Variants in SLC17A1 observed in about 807,000 individuals in gnomAD.
SLC17A1 encodes sodium-dependent phosphate transport protein 1.
In SLC17A1, 51 loss-of-function variants were observed where a neutral mutation model predicts 53.5. The ratio of observed to expected loss-of-function variants is 0.95; its 90% CI spans 0.76 to 1.20. The LOEUF is 1.20. SLC17A1 is among the 50% of genes most tolerant of loss of function. The pLI, the probability that SLC17A1 is intolerant of heterozygous loss-of-function variation, is 0.00. For synonymous variants in SLC17A1, 179 were observed against 198.8 expected, an observed-to-expected ratio of 0.90 and a Z score of 0.84; for missense variants, 538 against 568.2, an observed-to-expected ratio of 0.95 and a Z score of 0.54.
the SLC17A1 span, among the ~76,000 whole-genome samples, chr6:25,737,909 G>A: frequency 6.6e-6 from 1 of 152,078 alleles, no homozygotes; most frequent in Non-Finnish European, 1.5e-5. Flanking sequence ...TTCTAGATTG[G>A]TATCTAAGAT....
the SLC17A1 span, chr6:25,726,914 G>A: frequency 4.2e-5 from 67 of 1,611,792 alleles, no homozygotes; most frequent in African/African-American, 6.4e-4. Flanking sequence ...TAGCTATGCC[G>A]GAGGTGTCAT....
chr6:25,724,155 G>A, the SLC17A1 span, among the ~76,000 whole-genome samples: 1 of 152,188 alleles, frequency 6.6e-6, no homozygotes, highest in Non-Finnish European at 1.5e-5. Context: ...TGGGTGCGGT[G>A]GCTAACACTT....
At chr6:25,827,563 C>T (rs1764794737) in intron 2 of SLC17A1, among the ~76,000 whole-genome samples, 1 of 152,122 alleles carries the variant, frequency 6.6e-6, no homozygotes, top group South Asian at 2.1e-4. Flanking sequence ...CCAAAATCAG[C>T]AATGGGAACC....
chr6:25,793,607 G>A (rs1305675000), intron 12 of SLC17A1, among the ~76,000 whole-genome samples: 1 of 152,082 alleles, frequency 6.6e-6, no homozygotes. Flanking sequence ...AGGCACTGAA[G>A]TCCTGATGAT....
chr6:25,731,994 G>T, the SLC17A1 span: 1 of 1,582,198 alleles, frequency 6.3e-7, no homozygotes, highest in South Asian at 1.1e-5. Context: ...CATGGCCTTG[G>T]AAGAGATTCC....
downstream of SLC17A1, chr6:25,779,354 G>T (rs374642639): frequency 4.8e-5 from 41 of 860,176 alleles, 1 homozygote; most frequent in South Asian, 7.6e-4. Flanking sequence ...AAGAAAACAC[G>T]CTAGTTATTT....
intron 6 of SLC17A1, among the ~76,000 whole-genome samples, chr6:25,815,153 T>A (rs1764303258): frequency 6.0e-5 from 6 of 100,824 alleles, no homozygotes; most frequent in Non-Finnish European, 8.1e-5. Context: ...AAGAAAGAAA[T>A]AGAGAAAGAG....
the SLC17A1 span, among the ~76,000 whole-genome samples, chr6:25,758,822 T>C: frequency 6.6e-6 from 1 of 152,224 alleles, no homozygotes; most frequent in Non-Finnish European, 1.5e-5. Context: ...CTTGGTTATT[T>C]CTTTTCTTCT....
the SLC17A1 span, chr6:25,726,811 A>G: frequency 1.4e-4 from 197 of 1,407,198 alleles, no homozygotes; most frequent in Non-Finnish European, 1.8e-4. Flanking sequence ...AGCTGAGGTC[A>G]TTTGGAGCTG....
chr6:25,799,701 G>A (rs3799350), intron 11 of SLC17A1, among the ~76,000 whole-genome samples: 1 of 151,986 alleles, frequency 6.6e-6, no homozygotes, highest in African/African-American at 2.4e-5. Flanking sequence ...GACAATTTTG[G>A]ACAGTTCTGG....
chr6:25,801,380 A>G (rs975239144), intron 10 of SLC17A1, among the ~76,000 whole-genome samples: 1 of 152,222 alleles, frequency 6.6e-6, no homozygotes, highest in African/African-American at 2.4e-5. Flanking sequence ...CTGACCTCCA[A>G]AATTGCTTCC....
In SLC17A1 at chr6:25,802,425, C is replaced by A. The variant is rs116184467; in HGVS notation, c.1179-1445G>T. On this transcript the variant is annotated intron_variant, in intron 10 of 12. Transcript: ENST00000244527. ...AGATTTGCCCTAATATTTTTCCTCT[C>A]CATTTCTCTTCTTTTGTTCCTATAT... Among the ~76,000 whole-genome samples, 690 of 152,136 alleles carry A rather than the reference C, an allele frequency of 4.5e-3. 4 individuals are homozygous for A. Among genetic ancestry groups the A allele is most frequent in the African/African-American group, 0.016 (672 of 41,504 alleles).
chr6:25,773,669 A>T, the SLC17A1 span: 2 of 1,613,204 alleles, frequency 1.2e-6, no homozygotes, highest in Non-Finnish European at 1.7e-6. Flanking sequence ...AGCCAACCTC[A>T]GAGATGTAAG....
intron 3 of SLC17A1, among the ~76,000 whole-genome samples, chr6:25,824,339 C>G (rs577858864): frequency 1.3e-5 from 2 of 151,690 alleles, no homozygotes; most frequent in Admixed American, 1.3e-4. Context: ...TGCTGGTCAT[C>G]ATGATCAGTG....
the SLC17A1 span, chr6:25,727,067 C>T: frequency 4.3e-6 from 7 of 1,614,262 alleles, no homozygotes; most frequent in East Asian, 1.3e-4. Context: ...TCCATCCGGA[C>T]ACTGGCATCT....
chr6:25,768,288 C>T, the SLC17A1 span: 2 of 781,910 alleles, frequency 2.6e-6, no homozygotes, highest in South Asian at 5.8e-5. Context: ...AAGAAAATGG[C>T]ATCTTCATAC....
At chr6:25,789,128 A>T (rs1763447486) in intron 12 of SLC17A1, among the ~76,000 whole-genome samples, 2 of 152,136 alleles carry the variant, frequency 1.3e-5, no homozygotes, top group Admixed American at 1.3e-4. Context: ...CTCAAACATT[A>T]AGAGGAACCA....
the SLC17A1 span, among the ~76,000 whole-genome samples, chr6:25,727,932 G>A: frequency 3.9e-5 from 6 of 151,944 alleles, no homozygotes; most frequent in African/African-American, 1.4e-4. Context: ...CAAGAGAATC[G>A]CTTGAACCCA....
chr6:25,808,095 T>C (rs539419078), intron 10 of SLC17A1, among the ~76,000 whole-genome samples: 4 of 152,180 alleles, frequency 2.6e-5, no homozygotes, highest in Admixed American at 1.3e-4. Context: ...AGTGTAAAGG[T>C]GTTCCCTTTT....
Sources: gnomAD v4.1 joint callset for allele counts (sites outside exome capture counted in the v4.1 genomes callset) on GRCh38, gnomAD v4.1.1 for gene constraint, MANE v1.5 for transcripts, NCBI Gene and HGNC (gene_info 2026-07-23, HGNC 2026-07-21) for gene names.